Variants in ERP44 observed in about 807,000 individuals in gnomAD.
ERP44 encodes the protein endoplasmic reticulum protein 44, also known as endoplasmic reticulum resident protein 44.
In ERP44, 25 loss-of-function variants were observed where a neutral mutation model predicts 53.4. The observed-to-expected ratio is 0.47, with a 90% confidence interval of 0.34 to 0.65. The LOEUF (loss-of-function observed/expected upper bound fraction) is 0.65, where lower values mean the gene tolerates loss of function less well. Ranked by LOEUF, ERP44 falls within the 30% of genes least tolerant of loss-of-function variation. The pLI is 0.01. For missense variants in ERP44, 338 were observed against 493.2 expected (o/e 0.69, Z 2.98); for synonymous variants, 145 against 161.2 (o/e 0.90, Z 0.76).
chr9:100,010,699 G>A (rs755881301), intron 8 of ERP44, among the ~76,000 whole-genome samples: 9 of 151,938 alleles, frequency 5.9e-5, no homozygotes, highest in Non-Finnish European at 8.8e-5. Flanking sequence ...GTCAGAGTTC[G>A]AGACCAGATT....
intron 1 of ERP44, among the ~76,000 whole-genome samples, chr9:100,084,042 G>A (rs189004590): frequency 1.3e-5 from 2 of 152,242 alleles, no homozygotes; most frequent in Non-Finnish European, 2.9e-5. Context: ...AAGAACCAGA[G>A]AAAATAGCCT....
intron 1 of ERP44, among the ~76,000 whole-genome samples, chr9:100,093,315 T>C (rs1359816524): frequency 6.6e-6 from 1 of 152,190 alleles, no homozygotes; most frequent in Non-Finnish European, 1.5e-5. Flanking sequence ...CCTGTGAGCA[T>C]CATCACAGAA....
intron 2 of ERP44, 82 bp downstream of exon 2, chr9:100,060,018 T>A: frequency 8.6e-7 from 1 of 1,167,208 alleles, no homozygotes; most frequent in Non-Finnish European, 1.1e-6. Context: ...AACTGAGATT[T>A]TATTGGGTTT....
chr9:99,984,407 C>A (rs571997541), intron 11 of ERP44, among the ~76,000 whole-genome samples: 2 of 151,340 alleles, frequency 1.3e-5, no homozygotes, highest in Admixed American at 1.3e-4. Context: ...CAGTAAAATT[C>A]TCAGGTAAAA....
chr9:100,076,868 C>A (rs372299406), intron 1 of ERP44, among the ~76,000 whole-genome samples: 5 of 152,226 alleles, frequency 3.3e-5, no homozygotes, highest in Non-Finnish European at 7.3e-5. Context: ...CCCCTGTCAT[C>A]GCCCAATGGG....
chr9:100,015,173 C>T (rs1463809435), intron 8 of ERP44, among the ~76,000 whole-genome samples: 1 of 152,088 alleles, frequency 6.6e-6, no homozygotes, highest in Admixed American at 6.5e-5. Flanking sequence ...TGGTCCATAC[C>T]ACTCTAAGTA....
At chr9:100,052,360 G>T in intron 4 of ERP44, 57 bp downstream of exon 4, 1 of 749,758 alleles carries the variant, frequency 1.3e-6, no homozygotes, top group Non-Finnish European at 2.1e-6. Flanking sequence ...AAATGTGTAT[G>T]TGTGCCTGTG....
intron 3 of ERP44, among the ~76,000 whole-genome samples, chr9:100,057,288 G>GT (rs1826096204): frequency 6.6e-6 from 1 of 152,104 alleles, no homozygotes; most frequent in Non-Finnish European, 1.5e-5. Context: ...TGTTGTTCTA[G>GT]ATGCTGGGAA....
chr9:99,990,494 T>C (rs1385501417), intron 10 of ERP44, among the ~76,000 whole-genome samples: 1 of 152,178 alleles, frequency 6.6e-6, no homozygotes, highest in Non-Finnish European at 1.5e-5. Flanking sequence ...AGGCCTGCCT[T>C]ACAAGAGCTC....
chr9:100,098,860 A>G lies in ERP44; in HGVS notation c.-20T>C, dbSNP rs1369703232. On this transcript the variant is annotated 5_prime_UTR_variant, in exon 1 of 12. Coordinates refer to ENST00000262455, the MANE Select transcript of ERP44 (RefSeq NM_015051.3). ...ATGCATGGTAACGCTGGGGTCCGTG[A>G]CAGGGACAGGCGCTGGCGGCTGGGA... 1.2e-6 allele frequency: 2 copies of G among 1,610,964 alleles called. No homozygotes were observed. Among genetic ancestry groups the G allele is most frequent in the Non-Finnish European group, 1.7e-6 (2 of 1,177,814 alleles).
intron 10 of ERP44, among the ~76,000 whole-genome samples, chr9:99,992,795 A>G (rs909188732): frequency 4.6e-5 from 7 of 152,224 alleles, no homozygotes; most frequent in African/African-American, 2.4e-5. Flanking sequence ...AATCTCCTTA[A>G]GCTGATAAGC....
chr9:100,013,089 A>G (rs1045000368), intron 8 of ERP44, among the ~76,000 whole-genome samples: 6 of 152,216 alleles, frequency 3.9e-5, no homozygotes, highest in Admixed American at 3.3e-4. Flanking sequence ...CTCTTCCCCA[A>G]GAAAGGGAGA....
In ERP44 at chr9:100,037,967, C is replaced by T. The variant is rs1825861204; in HGVS notation, c.286+14450G>A. On this transcript the variant is annotated intron_variant, in intron 4 of 11. Coordinates refer to ENST00000262455, the MANE Select transcript of ERP44 (RefSeq NM_015051.3). ...ACTGCTGAAGGAAAAAGACTTTTAT[C>T]CCAGAATAGTGGGATAACATCCCAC... is the stretch of plus-strand genomic sequence containing the variant. 1.3e-5 allele frequency among the ~76,000 whole-genome samples: 2 copies of T among 151,934 alleles called. 1 individual carries two copies. The highest frequency in any genetic ancestry group is 4.2e-4 in the South Asian group (2 of 4,810).
At chr9:99,992,933 A>T (rs1053737671) in intron 10 of ERP44, among the ~76,000 whole-genome samples, 2 of 152,208 alleles carry the variant, frequency 1.3e-5, no homozygotes, top group Non-Finnish European at 2.9e-5. Flanking sequence ...AGAGAATAAA[A>T]TACCTAGGAA....
At chr9:100,032,195 C>T (rs867222428) in intron 4 of ERP44, among the ~76,000 whole-genome samples, 10 of 152,068 alleles carry the variant, frequency 6.6e-5, no homozygotes, top group Non-Finnish European at 1.0e-4. Context: ...CAGCTATGCC[C>T]GCTTATTAGG....
intron 1 of ERP44, among the ~76,000 whole-genome samples, chr9:100,090,748 C>CA (rs572018205): frequency 0.22 from 30,396 of 140,336 alleles, 5,161 homozygotes; most frequent in African/African-American, 0.49. Flanking sequence ...GACTCTGTTT[C>CA]AAAAAAAAAA....
chr9:100,096,786 GAA>G (rs1294329040), intron 1 of ERP44, among the ~76,000 whole-genome samples: 1 of 152,126 alleles, frequency 6.6e-6, no homozygotes, highest in African/African-American at 2.4e-5. Flanking sequence ...GTCTGAGAGA[GAA>G]AGTTGGAAGA....
chr9:100,061,221 T>G (rs1426162067), intron 1 of ERP44, among the ~76,000 whole-genome samples: 2 of 152,050 alleles, frequency 1.3e-5, no homozygotes, highest in Non-Finnish European at 2.9e-5. Flanking sequence ...GGCGGGCAGA[T>G]CACAACGAGG....
intron 1 of ERP44, among the ~76,000 whole-genome samples, chr9:100,094,440 C>T (rs1327329644): frequency 1.3e-5 from 2 of 151,144 alleles, no homozygotes; most frequent in African/African-American, 4.9e-5. Flanking sequence ...GGCAGATCAC[C>T]TCAGGTCAGG....
Sources: allele counts gnomAD v4.1 joint callset (sites outside exome capture counted in the v4.1 genomes callset), GRCh38; gene constraint gnomAD v4.1.1; transcripts MANE v1.5; gene names NCBI Gene and HGNC (gene_info 2026-07-23, HGNC 2026-07-21).